The following SNRNP48 variants were observed in gnomAD, a reference collection of about 807,000 sequenced individuals.
The protein encoded by SNRNP48 is small nuclear ribonucleoprotein U11/U12 subunit 48.
SNRNP48 carries 43 observed loss-of-function variants against 47.0 expected under a neutral mutation model. The observed-to-expected ratio is 0.92, with a 90% confidence interval of 0.72 to 1.18. The LOEUF is 1.18. SNRNP48 is among the 50% of genes most tolerant of loss of function. The probability of loss-of-function intolerance (pLI) is 0.00; values close to 1 mark genes in which losing one functional copy is unlikely to be tolerated. For synonymous variants in SNRNP48, 138 were observed against 144.0 expected (o/e 0.96, Z 0.30); for missense variants, 396 against 422.2 (o/e 0.94, Z 0.54).
chr6:7,608,756 T>TGGTGTATTACTGTTGAAG, intron 8 of SNRNP48, 69 bp from the exon 9 acceptor site: 1 of 808,850 alleles, frequency 1.2e-6, no homozygotes, highest in Non-Finnish European at 1.9e-6. Context: ...TACTGTTGAA[T>TGGTGTATTACTGTTGAAG]TATTTTAAAG....
chr6:7,599,036 C>G (rs1759962514), intron 4 of SNRNP48, among the ~76,000 whole-genome samples: 1 of 152,086 alleles, frequency 6.6e-6, no homozygotes, highest in African/African-American at 2.4e-5. Flanking sequence ...ATCAAAGAAA[C>G]TTAAAAAGAC....
intron 3 of SNRNP48, among the ~76,000 whole-genome samples, chr6:7,594,766 T>C (rs574319815): frequency 7.2e-4 from 110 of 152,220 alleles, no homozygotes; most frequent in Non-Finnish European, 1.3e-3. Context: ...TTAGCTATTA[T>C]TGGTCAGTAA....
intron 4 of SNRNP48, among the ~76,000 whole-genome samples, chr6:7,596,497 A>G (rs1759906491): frequency 6.6e-6 from 1 of 152,062 alleles, no homozygotes; most frequent in Non-Finnish European, 1.5e-5. Context: ...TTTCTCCCTC[A>G]TTGAAATTGA....
At chr6:7,600,328 A>G (rs192591573) in intron 4 of SNRNP48, 97 of 393,814 alleles carry the variant, frequency 2.5e-4, no homozygotes, top group Non-Finnish European at 4.2e-5. Context: ...TAGGAACTTA[A>G]TGAGGTTAGA....
At chr6:7,592,253 C>T (rs1168897056) in intron 1 of SNRNP48, among the ~76,000 whole-genome samples, 3 of 151,892 alleles carry the variant, frequency 2.0e-5, no homozygotes. Context: ...GTGACCAGAT[C>T]GGGAAGCCTC....
intron 4 of SNRNP48, among the ~76,000 whole-genome samples, chr6:7,595,477 A>T (rs978790663): frequency 6.6e-6 from 1 of 152,232 alleles, no homozygotes. Flanking sequence ...ACAATACACA[A>T]TCACAAGGTT....
At position 7,590,271 on chromosome 6, in the gene SNRNP48, C is replaced by G. The variant is rs1433263146; in HGVS notation, c.14C>G (p.Pro5Arg). The G allele has an allele frequency of 7.4e-7, 1 of 1,355,704 alleles. No individual in the cohort carries two copies. Among genetic ancestry groups the G allele is most frequent in the Non-Finnish European group, 9.6e-7 (1 of 1,043,036 alleles). 84.0% of individuals were successfully genotyped at this position (1,355,704 alleles called of 1,614,324 possible). MEGE[P>R]PPVEERRRLQ... ...TGGGCTGCAGCTATGGAGGGCGAGC[C>G]TCCACCTGTGGAGGAGCGGCGGCGG... Residue 5 changes from proline to arginine, a missense_variant, in exon 1 of 9, where the codon CCT becomes CGT. Pro to Arg is a moderately radical substitution (Grantham distance 103). Coordinates refer to ENST00000342415, the MANE Select transcript of SNRNP48 (RefSeq NM_152551.4).
intron 4 of SNRNP48, among the ~76,000 whole-genome samples, chr6:7,595,850 T>C (rs1463974346): frequency 6.6e-6 from 1 of 152,228 alleles, no homozygotes; most frequent in Non-Finnish European, 1.5e-5. Context: ...TAATAGATCC[T>C]TTCATGCCCA....
intron 4 of SNRNP48, among the ~76,000 whole-genome samples, chr6:7,598,162 T>C (rs147109257): frequency 0.03 from 4,578 of 150,700 alleles, 85 homozygotes; most frequent in South Asian, 0.05. Context: ...CCACCGCGCC[T>C]GGCCAACGGT....
intron 4 of SNRNP48, chr6:7,599,676 T>C: frequency 7.8e-7 from 1 of 1,282,738 alleles, no homozygotes; most frequent in Non-Finnish European, 1.0e-6. Context: ...TTTTCAGTAA[T>C]TGGGGTGAGT....
intron 6 of SNRNP48, among the ~76,000 whole-genome samples, chr6:7,604,114 A>G (rs1760082993): frequency 6.6e-6 from 1 of 152,170 alleles, no homozygotes; most frequent in Non-Finnish European, 1.5e-5. Flanking sequence ...TATGTGGTGG[A>G]GCCTGAGCTA....
Position 7,601,316 on chromosome 6 carries a change from T to G in SNRNP48, c.407-20T>G. ...ATGCTTCATGTATTGTTTATTCTTG[T>G]GATTTTATTTTTACTTTAGGAATTT... On this transcript the variant is annotated intron_variant, in intron 4 of 8. Transcript: ENST00000342415. 1 of 1,546,204 alleles carries G rather than the reference T, an allele frequency of 6.5e-7. No homozygotes were observed. The highest frequency in any genetic ancestry group is 8.7e-7 in the Non-Finnish European group (1 of 1,152,874).
Position 7,590,399 on chromosome 6 carries a change from G to A in SNRNP48, c.142G>A (p.Glu48Lys). Residue 48 changes from glutamate (E) to lysine (K), a missense_variant, in exon 1 of 9, where the codon GAG (glutamate) becomes AAG (lysine). Glu to Lys is a moderately conservative substitution (Grantham distance 56). Coordinates refer to ENST00000342415, the MANE Select transcript of SNRNP48 (RefSeq NM_152551.4). Reference protein sequence around the residue: ...WDLDSLDPGEEEAAEDEVVIC... With the variant: ...WDLDSLDPGEKEAAEDEVVIC... ...CCTAGATAGTCTGGATCCCGGGGAA[G>A]AGGAGGCGGCGGAGGTGAGGAGCGC... 1 of 1,322,908 alleles carries A rather than the reference G, an allele frequency of 7.6e-7. No individual in the cohort carries two copies. The highest frequency in any genetic ancestry group is 2.3e-5 in the South Asian group (1 of 44,120). 81.9% of individuals were successfully genotyped at this position (1,322,908 alleles called of 1,614,324 possible).
intron 1 of SNRNP48, 73 bp downstream of exon 1, chr6:7,590,486 C>A: frequency 8.1e-7 from 1 of 1,242,222 alleles, no homozygotes; most frequent in Non-Finnish European, 1.0e-6. Context: ...GGGAGATCCG[C>A]ACTGGCAGCC....
rs1389695183 is a variant in SNRNP48, at chr6:7,611,515, A to G, written c.*2642A>G. The stretch of plus-strand genomic sequence containing the variant: ...GCAAGTCAACTGCCATGCAGAGCCC[A>G]GGGCACTGGTTATATTCAGTAGGAA... On this transcript the variant is annotated 3_prime_UTR_variant, in exon 9 of 9. Transcript: ENST00000342415. The G allele has an allele frequency of 1.3e-5, 2 of 152,226 alleles. No homozygotes were observed. The highest frequency in any genetic ancestry group is 2.9e-5 in the Non-Finnish European group (2 of 68,036). The allele number at this position is 152,226 out of a possible 1,614,324, so 9.4% of individuals were successfully genotyped here. A position where few individuals can be genotyped will look rare whatever the true frequency, so the allele number is the denominator to read the frequency against.
At chr6:7,605,974 C>T (rs1156452792) in intron 7 of SNRNP48, 57 bp from the exon 8 acceptor site, 7 of 1,511,138 alleles carry the variant, frequency 4.6e-6, no homozygotes, top group Non-Finnish European at 5.3e-6. Context: ...TGTCTGTGTA[C>T]GTATACTGGA....
chr6:7,596,942 C>CATCT (rs1759914598), intron 4 of SNRNP48, among the ~76,000 whole-genome samples: 1 of 152,202 alleles, frequency 6.6e-6, no homozygotes, highest in Admixed American at 6.5e-5. Context: ...ACTTGGAGAT[C>CATCT]ATCTAATCCA....
chr6:7,603,180 A>G (rs1437732356), intron 6 of SNRNP48, among the ~76,000 whole-genome samples: 1 of 152,184 alleles, frequency 6.6e-6, no homozygotes, highest in Non-Finnish European at 1.5e-5. Context: ...ATGTATGCAA[A>G]CACAAATTTC....
At chr6:7,603,812 T>G (rs1433241515) in intron 6 of SNRNP48, among the ~76,000 whole-genome samples, 1 of 152,260 alleles carries the variant, frequency 6.6e-6, no homozygotes, top group African/African-American at 2.4e-5. Context: ...ACCTTGGTGA[T>G]TCTCATAGTC....
Sources: gnomAD v4.1 joint callset for allele counts (sites outside exome capture counted in the v4.1 genomes callset) on GRCh38, gnomAD v4.1.1 for gene constraint, MANE v1.5 for transcripts, NCBI Gene and HGNC (gene_info 2026-07-23, HGNC 2026-07-21) for gene names.